Variants in HPSE2 observed in about 807,000 individuals in gnomAD.
HPSE2 encodes heparanase 2 (inactive), also known as inactive heparanase-2.
Under a neutral mutation model 60.5 loss-of-function variants are expected in HPSE2, and 38 were observed. The ratio of observed to expected loss-of-function variants is 0.63; its 90% CI spans 0.48 to 0.82. HPSE2 has a LOEUF of 0.82. Among genes scored for constraint, HPSE2 ranks in the 40% least tolerant of loss-of-function variants. The pLI is 0.00. For missense variants in HPSE2, 713 were observed against 740.4 expected, an observed-to-expected ratio of 0.96 and a Z score of 0.43; for synonymous variants, 295 against 293.2, an observed-to-expected ratio of 1.01 and a Z score of -0.06.
At chr10:99,054,485 CA>C (rs979621923) in intron 3 of HPSE2, among the ~76,000 whole-genome samples, 1 of 152,134 alleles carries the variant, frequency 6.6e-6, no homozygotes, top group African/African-American at 2.4e-5. Flanking sequence ...ATGAGATCCA[CA>C]ACAGAGACAC....
intron 6 of HPSE2, among the ~76,000 whole-genome samples, chr10:98,649,335 C>G (rs527776641): frequency 6.6e-6 from 1 of 152,258 alleles, no homozygotes; most frequent in South Asian, 2.1e-4. Context: ...AGCTATTTTA[C>G]ATATAGTGTC....
Position 98,736,881 on chromosome 10 carries a change from A to G in HPSE2, c.784+7002T>C, listed in dbSNP as rs143142044. Reference sequence around the variant, plus strand: ...CTCCAACTCCCATTTCACACTTGGCATATTTTGCAGGTGCTCCACACATAC... The same window carrying G: ...CTCCAACTCCCATTTCACACTTGGCGTATTTTGCAGGTGCTCCACACATAC... On this transcript the variant is annotated intron_variant, in intron 4 of 11. Transcript: ENST00000370552. 1.7e-3 allele frequency among the ~76,000 whole-genome samples: 262 copies of G among 152,350 alleles called. 1 individual carries two copies. Among genetic ancestry groups the G allele is most frequent in the Admixed American group, 0.012 (184 of 15,298 alleles).
intron 1 of HPSE2, among the ~76,000 whole-genome samples, chr10:99,232,930 G>A (rs970377880): frequency 5.9e-5 from 9 of 152,266 alleles, no homozygotes; most frequent in East Asian, 1.9e-4. Flanking sequence ...GCTTCCGACC[G>A]TTGCCAAAAA....
At chr10:98,960,726 A>ATTTTT (rs68091060) in intron 3 of HPSE2, among the ~76,000 whole-genome samples, 2 of 102,598 alleles carry the variant, frequency 1.9e-5, no homozygotes, top group Non-Finnish European at 1.9e-5. Context: ...TTTTTGTTTT[A>ATTTTT]TTTTTTTTAT....
chr10:98,539,292 C>T (rs919732843), intron 9 of HPSE2, among the ~76,000 whole-genome samples: 2 of 152,134 alleles, frequency 1.3e-5, no homozygotes, highest in African/African-American at 2.4e-5. Context: ...GAGGCTGAGG[C>T]GGGTGGATCA....
At chr10:98,858,862 T>A (rs769911208) in intron 3 of HPSE2, among the ~76,000 whole-genome samples, 1 of 152,168 alleles carries the variant, frequency 6.6e-6, no homozygotes, top group African/African-American at 2.4e-5. Context: ...ATGGAAACAA[T>A]GTTACAAATC....
chr10:98,692,283 A>G (rs1948095321), intron 6 of HPSE2, among the ~76,000 whole-genome samples: 1 of 152,188 alleles, frequency 6.6e-6, no homozygotes, highest in African/African-American at 2.4e-5. Flanking sequence ...GAAAGAACTG[A>G]AAGACCACTA....
the HPSE2 span, among the ~76,000 whole-genome samples, chr10:99,287,233 C>T: frequency 6.6e-6 from 1 of 151,924 alleles, no homozygotes; most frequent in East Asian, 1.9e-4. Context: ...TAGGGAAATG[C>T]CCACGAAGGA....
intron 3 of HPSE2, among the ~76,000 whole-genome samples, chr10:98,925,081 G>A (rs1005720845): frequency 3.3e-5 from 5 of 152,230 alleles, no homozygotes; most frequent in Non-Finnish European, 7.3e-5. Flanking sequence ...GCACTGCATG[G>A]CCACTGCTAG....
intron 3 of HPSE2, among the ~76,000 whole-genome samples, chr10:98,798,410 A>G (rs1950828758): frequency 6.6e-6 from 1 of 152,206 alleles, no homozygotes; most frequent in Admixed American, 6.5e-5. Flanking sequence ...TGGTAACAGT[A>G]AGCACACATG....
intron 5 of HPSE2, among the ~76,000 whole-genome samples, chr10:98,719,885 C>T (rs1948881402): frequency 6.6e-6 from 1 of 151,866 alleles, no homozygotes; most frequent in African/African-American, 2.4e-5. Context: ...CCTGTAATCC[C>T]AGCTACTCGG....
At chr10:99,313,592 A>ATTTTT in the HPSE2 span, among the ~76,000 whole-genome samples, 402 of 84,638 alleles carry the variant, frequency 4.7e-3, 74 homozygotes, top group African/African-American at 6.8e-3. Flanking sequence ...ACTGACTCCA[A>ATTTTT]TTTTTTTTTT....
At chr10:99,118,120 C>T (rs536393398) in intron 3 of HPSE2, among the ~76,000 whole-genome samples, 50 of 151,980 alleles carry the variant, frequency 3.3e-4, no homozygotes, top group African/African-American at 1.1e-3. Flanking sequence ...ATCACATAAA[C>T]AGAATTAAAG....
chr10:98,684,079 C>T (rs1206096045), intron 6 of HPSE2, among the ~76,000 whole-genome samples: 3 of 152,126 alleles, frequency 2.0e-5, no homozygotes, highest in African/African-American at 7.2e-5. Context: ...ACGTGTTGAC[C>T]TCTCATTTAT....
intron 3 of HPSE2, among the ~76,000 whole-genome samples, chr10:99,048,771 A>G (rs1287628339): frequency 6.6e-6 from 1 of 152,148 alleles, no homozygotes; most frequent in Admixed American, 6.5e-5. Flanking sequence ...AAAAAGACAC[A>G]TGTACTTCTA....
At chr10:98,902,609 C>T (rs1326313248) in intron 3 of HPSE2, among the ~76,000 whole-genome samples, 1 of 152,072 alleles carries the variant, frequency 6.6e-6, no homozygotes. Context: ...CTAATACCTC[C>T]ACAGTACTTT....
chr10:99,061,833 C>T (rs897412131), intron 3 of HPSE2, among the ~76,000 whole-genome samples: 1 of 152,272 alleles, frequency 6.6e-6, no homozygotes, highest in South Asian at 2.1e-4. Flanking sequence ...ACATAAAGTA[C>T]TTTTGCTAAT....
intron 9 of HPSE2, among the ~76,000 whole-genome samples, chr10:98,535,185 T>C (rs1422902083): frequency 1.3e-5 from 2 of 152,220 alleles, no homozygotes; most frequent in Non-Finnish European, 2.9e-5. Context: ...ATGAACAATT[T>C]TATTTTCAGA....
At chr10:99,276,111 G>A in the HPSE2 span, among the ~76,000 whole-genome samples, 3 of 152,130 alleles carry the variant, frequency 2.0e-5, no homozygotes, top group Non-Finnish European at 4.4e-5. Context: ...TTCGCCTGTA[G>A]TAAATGCCCA....
Sources: allele counts gnomAD v4.1 joint callset (sites outside exome capture counted in the v4.1 genomes callset), GRCh38; gene constraint gnomAD v4.1.1; transcripts MANE v1.5; gene names NCBI Gene and HGNC (gene_info 2026-07-23, HGNC 2026-07-21).